SYTL5: variants seen among roughly 807,000 people sequenced by gnomAD.
SYTL5 encodes the protein synaptotagmin-like protein 5.
Under a neutral mutation model 55.9 loss-of-function variants are expected in SYTL5, and 34 were observed. That is an observed-to-expected ratio of 0.61 (90% CI 0.46 to 0.81). The LOEUF (loss-of-function observed/expected upper bound fraction) is 0.81. Among genes scored for constraint, SYTL5 ranks in the 30% least tolerant of loss-of-function variants. The pLI is 0.00. For synonymous variants in SYTL5, 221 were observed against 188.7 expected (o/e 1.17, Z -1.40); for missense variants, 637 against 546.7 (o/e 1.17, Z -1.65).
chrX:37,978,946 A>T, the SYTL5 span, among the ~76,000 whole-genome samples: 1 of 111,745 alleles, frequency 8.9e-6, no homozygotes, highest in Non-Finnish European at 1.9e-5. Context: ...TTATAACATA[A>T]TGATTTTAAC....
At chrX:38,019,189 C>T (rs1321004602) in intron 1 of SYTL5, among the ~76,000 whole-genome samples, 3 of 112,190 alleles carry the variant, frequency 2.7e-5, no homozygotes, top group Non-Finnish European at 5.6e-5. Flanking sequence ...ACAGGCTTGG[C>T]CACTCAGCCT....
intron 1 of SYTL5, among the ~76,000 whole-genome samples, chrX:38,016,533 A>T (rs985192828): frequency 2.7e-5 from 3 of 111,955 alleles, no homozygotes; most frequent in African/African-American, 9.8e-5. Flanking sequence ...CTTTTAGTTT[A>T]AAAATACATC....
chrX:37,922,136 C>G, the SYTL5 span, among the ~76,000 whole-genome samples: 4 of 111,987 alleles, frequency 3.6e-5, no homozygotes, highest in African/African-American at 1.3e-4. Context: ...TCTCAAACAT[C>G]AGAAAATCAA....
At chrX:38,103,094 G>A in intron 10 of SYTL5, 1 of 1,144,842 alleles carries the variant, frequency 8.7e-7, no homozygotes, top group Non-Finnish European at 1.2e-6. Flanking sequence ...CAGACACTGT[G>A]AGTTTTCAAC....
the SYTL5 span, among the ~76,000 whole-genome samples, chrX:37,939,988 T>C: frequency 3.6e-5 from 4 of 110,194 alleles, no homozygotes; most frequent in African/African-American, 6.7e-5. Flanking sequence ...TGCGCCACCA[T>C]GCCCAGCTAA....
the SYTL5 span, among the ~76,000 whole-genome samples, chrX:37,992,471 A>T: frequency 8.8e-6 from 1 of 113,071 alleles, no homozygotes; most frequent in Non-Finnish European, 1.9e-5. Context: ...ATGTGATATT[A>T]GACCTTCAAT....
intron 3 of SYTL5, among the ~76,000 whole-genome samples, chrX:38,071,540 CA>C (rs1383486375): frequency 8.9e-6 from 1 of 112,042 alleles, no homozygotes; most frequent in East Asian, 2.8e-4. Flanking sequence ...CATGTTATAT[CA>C]AAGAATCTTT....
the SYTL5 span, among the ~76,000 whole-genome samples, chrX:37,984,224 C>T: frequency 9.0e-6 from 1 of 111,171 alleles, no homozygotes; most frequent in Non-Finnish European, 1.9e-5. Flanking sequence ...GAAAAGATGA[C>T]AAATTTGACA....
At chrX:38,070,744 G>A (rs747695342) in intron 3 of SYTL5, among the ~76,000 whole-genome samples, 1 of 111,348 alleles carries the variant, frequency 9.0e-6, no homozygotes, top group Non-Finnish European at 1.9e-5. Context: ...GAGGTTTTGG[G>A]ACAATAGTGC....
chrX:37,973,612 A>G, the SYTL5 span, among the ~76,000 whole-genome samples: 1 of 108,652 alleles, frequency 9.2e-6, no homozygotes, highest in Non-Finnish European at 1.9e-5. Flanking sequence ...GCAGCTTGCT[A>G]GTACCAGAGG....
At chrX:38,124,362 G>C (rs746029870) in intron 15 of SYTL5, among the ~76,000 whole-genome samples, 2 of 111,473 alleles carry the variant, frequency 1.8e-5, no homozygotes, top group African/African-American at 6.5e-5. Context: ...GTCTTTGCTT[G>C]GTACATGAAA....
At chrX:38,004,110 T>A (rs1933928205), upstream of SYTL5, among the ~76,000 whole-genome samples, 3 of 111,889 alleles carry the variant, frequency 2.7e-5, no homozygotes, top group African/African-American at 9.7e-5. Flanking sequence ...AGATTGGTAG[T>A]TTGCAAATAT....
At chrX:37,977,317 G>C in the SYTL5 span, among the ~76,000 whole-genome samples, 4 of 110,240 alleles carry the variant, frequency 3.6e-5, no homozygotes, top group Admixed American at 1.9e-4. Context: ...CTCAGTACTA[G>C]GGATGGAAAA....
the SYTL5 span, among the ~76,000 whole-genome samples, chrX:37,902,799 A>G: frequency 5.5e-4 from 62 of 112,074 alleles, no homozygotes; most frequent in African/African-American, 1.9e-3. Context: ...TCCAAGTAGA[A>G]CCAAGAATTG....
At chrX:38,061,624 G>T (rs953726726) in intron 3 of SYTL5, among the ~76,000 whole-genome samples, 1 of 111,777 alleles carries the variant, frequency 8.9e-6, no homozygotes, top group Non-Finnish European at 1.9e-5. Flanking sequence ...GCACTGAAAC[G>T]ATTACAGCAA....
intron 7 of SYTL5, among the ~76,000 whole-genome samples, chrX:38,091,560 A>G (rs1207937920): frequency 9.0e-6 from 1 of 111,303 alleles, no homozygotes; most frequent in East Asian, 2.8e-4. Context: ...CATGCACTAA[A>G]CCTGAATTAT....
chrX:37,897,638 C>T, the SYTL5 span, among the ~76,000 whole-genome samples: 2 of 111,639 alleles, frequency 1.8e-5, no homozygotes, highest in Non-Finnish European at 3.8e-5. Context: ...AAACTTGAGA[C>T]ACAGAGCCCC....
intron 6 of SYTL5, among the ~76,000 whole-genome samples, chrX:38,078,200 G>A (rs975166960): frequency 9.0e-6 from 1 of 111,295 alleles, no homozygotes; most frequent in Non-Finnish European, 1.9e-5. Context: ...AACACTTAAG[G>A]CTAGCATTTA....
At chrX:37,934,914 G>A in the SYTL5 span, among the ~76,000 whole-genome samples, 135 of 111,895 alleles carry the variant, frequency 1.2e-3, 1 homozygote, top group African/African-American at 2.4e-3. Flanking sequence ...GATTACAGGC[G>A]TGAGCCACAG....
Sources: allele counts gnomAD v4.1 joint callset (sites outside exome capture counted in the v4.1 genomes callset), GRCh38; gene constraint gnomAD v4.1.1; transcripts MANE v1.5; gene names NCBI Gene and HGNC (gene_info 2026-07-23, HGNC 2026-07-21).